NAV2: variants seen among roughly 807,000 people sequenced by gnomAD.
NAV2 encodes neuron navigator 2, also known as helicase, APC down-regulated 1.
A neutral mutation model predicts 223.2 loss-of-function variants in NAV2; 54 were observed. The observed-to-expected ratio is 0.24, with a 90% CI of 0.19 to 0.30. The LOEUF (loss-of-function observed/expected upper bound fraction) is 0.30, where lower values mean the gene tolerates loss of function less well. NAV2 is among the 10% of genes least tolerant of loss of function. The pLI is 1.00. For missense variants in NAV2, 2,806 were observed against 3,147.5 expected (o/e 0.89, Z 2.60); for synonymous variants, 1,279 against 1,239.3 (o/e 1.03, Z -0.67).
intron 1 of NAV2, among the ~76,000 whole-genome samples, chr11:19,486,095 A>C (rs913796204): frequency 1.3e-5 from 2 of 152,166 alleles, no homozygotes; most frequent in African/African-American, 4.8e-5. Flanking sequence ...GCATCACCCC[A>C]CAGTAGCCCT....
chr11:19,732,305 G>T (rs141483403), intron 1 of NAV2, among the ~76,000 whole-genome samples: 316 of 152,128 alleles, frequency 2.1e-3, no homozygotes, highest in African/African-American at 7.1e-3. Flanking sequence ...AACAGGCCTG[G>T]GTTTCAGCGC....
At chr11:20,077,270 T>C (rs749887174) in intron 22 of NAV2, among the ~76,000 whole-genome samples, 7 of 152,040 alleles carry the variant, frequency 4.6e-5, no homozygotes, top group African/African-American at 1.7e-4. Context: ...TAAAAATTAT[T>C]AGGCAAGGAA....
chr11:19,862,804 G>T (rs2061869281), intron 3 of NAV2, among the ~76,000 whole-genome samples: 1 of 152,192 alleles, frequency 6.6e-6, no homozygotes, highest in Non-Finnish European at 1.5e-5. Context: ...CGTGCATAAG[G>T]CTGTGACCTC....
chr11:19,802,660 T>C (rs764395414), intron 1 of NAV2, among the ~76,000 whole-genome samples: 1 of 149,768 alleles, frequency 6.7e-6, no homozygotes. Flanking sequence ...CAGTGAGCTA[T>C]GCTCATGCCA....
chr11:19,665,523 C>T (rs554352166), intron 1 of NAV2, among the ~76,000 whole-genome samples: 2 of 152,300 alleles, frequency 1.3e-5, no homozygotes, highest in East Asian at 3.9e-4. Flanking sequence ...GGAACTGGCT[C>T]TTCTGTAAAA....
At chr11:20,000,965 C>T (rs73434174) in intron 11 of NAV2, among the ~76,000 whole-genome samples, 1,874 of 152,314 alleles carry the variant, frequency 0.012, 31 homozygotes, top group African/African-American at 0.04. Flanking sequence ...AAATGCAGAT[C>T]TGATCCTGTG....
intron 1 of NAV2, among the ~76,000 whole-genome samples, chr11:19,434,834 A>C (rs1433089220): frequency 6.7e-6 from 1 of 148,512 alleles, no homozygotes; most frequent in East Asian, 2.0e-4. Context: ...ACAGGAAAGA[A>C]GCAAAAGGTT....
chr11:19,619,291 G>A (rs927742632), intron 1 of NAV2, among the ~76,000 whole-genome samples: 1 of 152,006 alleles, frequency 6.6e-6, no homozygotes, highest in African/African-American at 2.4e-5. Flanking sequence ...GAGAAAGCTG[G>A]GTCAAGTGGT....
intron 6 of NAV2, among the ~76,000 whole-genome samples, chr11:19,913,367 A>G (rs371194401): frequency 1.1e-3 from 172 of 152,236 alleles, no homozygotes; most frequent in African/African-American, 3.4e-3. Flanking sequence ...TCAGCCCCAC[A>G]TCCTTGTATG....
intron 3 of NAV2, among the ~76,000 whole-genome samples, chr11:19,848,498 T>G (rs1383904967): frequency 6.6e-6 from 1 of 152,192 alleles, no homozygotes; most frequent in African/African-American, 2.4e-5. Flanking sequence ...AGGTCTTACC[T>G]CTGACCTCTG....
chr11:19,511,755 C>G (rs1282942583), intron 1 of NAV2: 1 of 152,178 alleles, frequency 6.6e-6, no homozygotes, highest in Non-Finnish European at 1.5e-5. Flanking sequence ...GAGAGAACCT[C>G]TTGTTGCCCG....
chr11:19,712,435 G>A (rs1013396281), upstream of NAV2: 9 of 152,230 alleles, frequency 5.9e-5, no homozygotes, highest in Admixed American at 1.3e-4. Flanking sequence ...GCCCAAGCCA[G>A]ATGGGGGCAG....
chr11:19,906,970 G>A (rs886107192), intron 6 of NAV2, among the ~76,000 whole-genome samples: 1 of 152,150 alleles, frequency 6.6e-6, no homozygotes, highest in Admixed American at 6.5e-5. Context: ...GACACCTGGG[G>A]TCTGGTCCCA....
intron 1 of NAV2, among the ~76,000 whole-genome samples, chr11:19,768,491 G>A (rs762179728): frequency 3.9e-5 from 6 of 152,038 alleles, no homozygotes; most frequent in Non-Finnish European, 5.9e-5. Flanking sequence ...GCAAAAGGAC[G>A]GAAAAGAGGT....
intron 6 of NAV2, among the ~76,000 whole-genome samples, chr11:19,911,651 A>G (rs908177892): frequency 2.0e-5 from 3 of 152,002 alleles, no homozygotes; most frequent in African/African-American, 4.8e-5. Flanking sequence ...CACTCTAAGA[A>G]TTCTTCATCA....
chr11:20,001,138 C>T (rs976862698), intron 11 of NAV2, among the ~76,000 whole-genome samples: 6 of 152,130 alleles, frequency 3.9e-5, no homozygotes, highest in African/African-American at 7.2e-5. Flanking sequence ...TAGCACGCTC[C>T]GGGGTATTGT....
intron 29 of NAV2, among the ~76,000 whole-genome samples, chr11:20,095,341 A>G (rs2061171686): frequency 6.6e-6 from 1 of 152,192 alleles, no homozygotes; most frequent in Non-Finnish European, 1.5e-5. Flanking sequence ...CAAGGTTTGA[A>G]AAGAGAGAGA....
At chr11:19,827,118 G>A (rs1158066181) in intron 1 of NAV2, among the ~76,000 whole-genome samples, 1 of 152,208 alleles carries the variant, frequency 6.6e-6, no homozygotes, top group Non-Finnish European at 1.5e-5. Flanking sequence ...TGGGCAGAGG[G>A]GATAGACTGA....
chr11:19,669,629 AG>A (rs1228787700), intron 1 of NAV2, among the ~76,000 whole-genome samples: 3 of 152,334 alleles, frequency 2.0e-5, no homozygotes, highest in African/African-American at 7.2e-5. Context: ...TTCCACCGCC[AG>A]TGAGATCCTG....
Sources: allele counts gnomAD v4.1 joint callset (sites outside exome capture counted in the v4.1 genomes callset), GRCh38; gene constraint gnomAD v4.1.1; transcripts MANE v1.5; gene names NCBI Gene and HGNC (gene_info 2026-07-23, HGNC 2026-07-21).